MIB1: variants seen among roughly 807,000 people sequenced by gnomAD.
MIB1 encodes the protein MIB E3 ubiquitin protein ligase 1.
Under a neutral mutation model 124.5 loss-of-function variants are expected in MIB1, and 278 were observed. The ratio of observed to expected loss-of-function variants is 2.23; its 90% CI spans 2.02 to 2.47. The LOEUF is 2.47. Among genes scored for constraint, MIB1 ranks in the 30% most tolerant of loss-of-function variants. The pLI, the probability that MIB1 is intolerant of heterozygous loss-of-function variation, is 0.00. For synonymous variants in MIB1, 446 were observed against 429.4 expected (o/e 1.04, Z -0.48); for missense variants, 957 against 1,254.4 (o/e 0.76, Z 3.58).
rs757164034 is a variant in MIB1, at chr18:21,844,131, A to T, written c.2089A>T (p.Lys697Ter). ...AGGTGCCAAGCTTGATATTCAGGAT[A>T]AGGATGGGGATACTCCTTTGCATGA... ...RAGAKLDIQD[K>*]DGDTPLHEAL... The change falls in exon 15 of 21, where the codon AAG becomes TAG. Residue 697 changes from lysine (K) to a stop codon, truncating the protein, a stop_gained. Coordinates refer to ENST00000261537, the MANE Select transcript of MIB1 (RefSeq NM_020774.4). LOFTEE classifies it high-confidence loss of function. 2 of 1,614,046 alleles carry T rather than the reference A, an allele frequency of 1.2e-6. No homozygotes were observed. The highest frequency in any genetic ancestry group is 1.1e-5 in the South Asian group (1 of 91,076).
chr18:21,814,556 G>C (rs1227738940), intron 10 of MIB1, among the ~76,000 whole-genome samples: 1 of 151,990 alleles, frequency 6.6e-6, no homozygotes, highest in Non-Finnish European at 1.5e-5. Flanking sequence ...ATTCCAGCCT[G>C]GGTGACAGAA....
At chr18:21,834,694 A>G (rs2042011050) in intron 12 of MIB1, among the ~76,000 whole-genome samples, 1 of 152,240 alleles carries the variant, frequency 6.6e-6, no homozygotes. Context: ...ACAATATCCC[A>G]TTAGTACTCT....
At chr18:21,736,701 CA>C (rs1454854115), upstream of MIB1, among the ~76,000 whole-genome samples, 17 of 152,206 alleles carry the variant, frequency 1.1e-4, no homozygotes, top group East Asian at 3.3e-3. Context: ...AAACACAGCA[CA>C]AGAACTTGGT....
intron 16 of MIB1, among the ~76,000 whole-genome samples, chr18:21,848,491 T>C (rs1429937165): frequency 3.3e-5 from 5 of 152,134 alleles, no homozygotes; most frequent in Admixed American, 3.3e-4. Flanking sequence ...TAAGGCACTA[T>C]AATTATTGCA....
intron 12 of MIB1, among the ~76,000 whole-genome samples, chr18:21,820,694 ATGCCAGCCTC>A (rs1304880647): frequency 2.6e-5 from 4 of 152,190 alleles, no homozygotes; most frequent in Non-Finnish European, 5.9e-5. Context: ...CACTTTCCAC[ATGCCAGCCTC>A]TGCAAAGTGC....
At chr18:21,756,927 G>A (rs1221506225) in intron 1 of MIB1, among the ~76,000 whole-genome samples, 1 of 152,168 alleles carries the variant, frequency 6.6e-6, no homozygotes, top group African/African-American at 2.4e-5. Context: ...ATGCATACTT[G>A]TAATAGACTG....
chr18:21,726,499 C>T (rs1157762389), intron 1 of MIB1, among the ~76,000 whole-genome samples: 2 of 152,174 alleles, frequency 1.3e-5, no homozygotes, highest in African/African-American at 2.4e-5. Flanking sequence ...ATTTGTGTAT[C>T]TGCCTTGTCT....
At chr18:21,828,314 A>G (rs2041945951) in intron 12 of MIB1, 1 of 151,824 alleles carries the variant, frequency 6.6e-6, no homozygotes, top group Admixed American at 6.6e-5. Context: ...GTGGACCAGA[A>G]TTTTGTCATT....
intron 6 of MIB1, among the ~76,000 whole-genome samples, chr18:21,785,241 A>G (rs2041421440): frequency 2.6e-5 from 4 of 151,808 alleles, no homozygotes; most frequent in Admixed American, 1.3e-4. Flanking sequence ...CTTGTATACA[A>G]TAAATAACAG....
At chr18:21,742,387 A>G (rs2040863955) in intron 1 of MIB1, among the ~76,000 whole-genome samples, 1 of 148,664 alleles carries the variant, frequency 6.7e-6, no homozygotes, top group African/African-American at 2.5e-5. Context: ...TCTATTTTAT[A>G]TCTTTATATC....
intron 17 of MIB1, among the ~76,000 whole-genome samples, chr18:21,851,280 A>G (rs557259090): frequency 3.5e-4 from 53 of 152,268 alleles, no homozygotes; most frequent in Non-Finnish European, 5.7e-4. Context: ...TCTGCAAGGG[A>G]TAGTTGATGG....
At chr18:21,856,206 C>A (rs1489385594) in intron 18 of MIB1, among the ~76,000 whole-genome samples, 1 of 142,772 alleles carries the variant, frequency 7.0e-6, no homozygotes, top group Non-Finnish European at 1.5e-5. Flanking sequence ...GTCCGCAGTC[C>A]GGCCTGGGCG....
intron 1 of MIB1, among the ~76,000 whole-genome samples, chr18:21,714,937 G>T (rs934795638): frequency 2.6e-5 from 4 of 152,186 alleles, no homozygotes; most frequent in Non-Finnish European, 4.4e-5. Context: ...GTAAATTGGG[G>T]GGGATCACCC....
chr18:21,748,689 C>G (rs901672347), intron 1 of MIB1, among the ~76,000 whole-genome samples: 1 of 150,076 alleles, frequency 6.7e-6, no homozygotes, highest in African/African-American at 2.5e-5. Context: ...CCTTGGCCTC[C>G]CAAAGTGCTG....
At chr18:21,853,775 GC>G (rs1359181312) in intron 18 of MIB1, among the ~76,000 whole-genome samples, 2 of 151,990 alleles carry the variant, frequency 1.3e-5, no homozygotes, top group African/African-American at 4.8e-5. Flanking sequence ...GAAGTCCTTT[GC>G]TTTTCATATT....
Position 21,786,546 on chromosome 18 carries a change from C to G in MIB1, c.909-4828C>G, listed in dbSNP as rs150726713. On this transcript the variant is annotated intron_variant, in intron 6 of 20. Transcript: ENST00000261537. ...TTGAATAAGCTTCTTACCCCTTGCT[C>G]TTTCTCAACTCTCTCTTGAATGCCA... is the stretch of plus-strand genomic sequence containing the variant. 2.0e-5 allele frequency among the ~76,000 whole-genome samples: 3 copies of G among 152,036 alleles called. No homozygotes were observed. In the East Asian group the frequency reaches 5.8e-4, roughly 29 times the overall value.
At chr18:21,834,147 G>C (rs1353590635) in intron 12 of MIB1, among the ~76,000 whole-genome samples, 3 of 152,114 alleles carry the variant, frequency 2.0e-5, no homozygotes, top group Non-Finnish European at 2.9e-5. Flanking sequence ...GTCTTCCTAA[G>C]ATTGCCTGCC....
chr18:21,855,703 C>A (rs1568228770), intron 18 of MIB1, among the ~76,000 whole-genome samples: 1 of 152,186 alleles, frequency 6.6e-6, no homozygotes, highest in African/African-American at 2.4e-5. Context: ...GTAGGCCCTA[C>A]TTTGTCCACA....
chr18:21,859,572 C>T (rs2042256270), intron 20 of MIB1, among the ~76,000 whole-genome samples: 1 of 151,804 alleles, frequency 6.6e-6, no homozygotes, highest in African/African-American at 2.4e-5. Flanking sequence ...GAGTCATGAA[C>T]ATTTCTATAT....
Sources: gnomAD v4.1 joint callset for allele counts (sites outside exome capture counted in the v4.1 genomes callset) on GRCh38, gnomAD v4.1.1 for gene constraint, MANE v1.5 for transcripts, NCBI Gene and HGNC (gene_info 2026-07-23, HGNC 2026-07-21) for gene names.